Variants in WDTC1 observed in about 807,000 individuals in gnomAD.
The protein encoded by WDTC1 is WD and tetratricopeptide repeats protein 1.
In WDTC1, 12 loss-of-function variants were observed where a neutral mutation model predicts 76.0. The observed-to-expected ratio is 0.16, with a 90% CI of 0.10 to 0.26. WDTC1 has a LOEUF of 0.26. WDTC1 is among the 10% of genes least tolerant of loss of function. The probability of loss-of-function intolerance (pLI) is 1.00; values close to 1 mark genes in which losing one functional copy is unlikely to be tolerated. For synonymous variants in WDTC1, 326 were observed against 350.8 expected (o/e 0.93, Z 0.79); for missense variants, 511 against 908.8 (o/e 0.56, Z 5.63).
At chr1:27,302,791 A>C (rs892663772) in intron 13 of WDTC1, among the ~76,000 whole-genome samples, 4 of 152,172 alleles carry the variant, frequency 2.6e-5, no homozygotes, top group African/African-American at 9.7e-5. Context: ...AGCTCCTGGC[A>C]TATGAACCAG....
intron 1 of WDTC1, among the ~76,000 whole-genome samples, chr1:27,250,068 G>A (rs1026974817): frequency 6.6e-6 from 1 of 152,154 alleles, no homozygotes; most frequent in African/African-American, 2.4e-5. Context: ...CGGGGGAAAT[G>A]TTATAATCCA....
Position 27,303,470 on chromosome 1 carries a change from C to T in WDTC1, c.1469-151C>T, listed in dbSNP as rs2013879373. On this transcript the variant is annotated intron_variant, in intron 13 of 15. Transcript: ENST00000319394. This position sits in a 1 kb window ranked among gnomAD's most constrained non-coding sequence, Gnocchi z 4.8. ...GCTAGATCCAAAGATGCATCTTCCT[C>T]ACAACCTTTCCCCAGTTTTCCAGGA... 6 of 1,000,666 alleles carry T rather than the reference C, an allele frequency of 6.0e-6. No homozygotes were observed. The highest frequency in any genetic ancestry group is 6.9e-6 in the Non-Finnish European group (5 of 719,590). The allele number at this position is 1,000,666 out of a possible 1,614,324, so 62.0% of individuals were successfully genotyped here. A position where few individuals can be genotyped will look rare whatever the true frequency, so the allele number is the denominator to read the frequency against.
In WDTC1 at chr1:27,250,487, A is replaced by T. The variant is rs368320397; in HGVS notation, c.-99-10469A>T. On this transcript the variant is annotated intron_variant, in intron 1 of 15. Coordinates refer to ENST00000319394, the MANE Select transcript of WDTC1 (RefSeq NM_001276252.2). ...TTCATATATATTTTATCATGTATTCACAACAACCCATTAAAGTAGGTGTTA... is the reference window on the plus strand; with the variant it reads ...TTCATATATATTTTATCATGTATTCTCAACAACCCATTAAAGTAGGTGTTA... Among the ~76,000 whole-genome samples, 49 of 152,264 alleles carry T rather than the reference A, an allele frequency of 3.2e-4. 1 individual carries two copies. In the South Asian group the frequency reaches 9.7e-3, roughly 30 times the overall value.
At chr1:27,276,240 C>T (rs572915239) in intron 3 of WDTC1, among the ~76,000 whole-genome samples, 10 of 152,106 alleles carry the variant, frequency 6.6e-5, no homozygotes, top group South Asian at 6.2e-4. Flanking sequence ...TGGTATATAC[C>T]GAAGGGTGGA....
Position 27,305,245 on chromosome 1 carries a change from C to G in WDTC1, c.1836+52C>G, listed in dbSNP as rs1446624274. On this transcript the variant is annotated intron_variant, in intron 15 of 15. Coordinates refer to ENST00000319394, the MANE Select transcript of WDTC1 (RefSeq NM_001276252.2). The surrounding 1 kb of genome is among the most constrained non-coding windows in gnomAD (Gnocchi z 4.6). The stretch of plus-strand genomic sequence containing the variant: ...GAGGGCAGGGACTCTGTGGAAGGCT[C>G]CAGTGGAGCCTGCTAGCGCAGGGAA... 6.3e-7 allele frequency: 1 copy of G among 1,575,740 alleles called. No homozygotes were observed. Among genetic ancestry groups the G allele is most frequent in the Non-Finnish European group, 8.6e-7 (1 of 1,161,818 alleles).
chr1:27,288,001 A>G (rs2147970009), intron 6 of WDTC1, 140 bp downstream of exon 6: 1 of 1,078,408 alleles, frequency 9.3e-7, no homozygotes, highest in East Asian at 2.6e-5. Flanking sequence ...TCTGTGTACA[A>G]ACTCCACTGG....
intron 6 of WDTC1, among the ~76,000 whole-genome samples, chr1:27,291,508 TC>T (rs999447086): frequency 2.0e-5 from 3 of 151,954 alleles, no homozygotes; most frequent in Non-Finnish European, 2.9e-5. Context: ...ATAGGTGATG[TC>T]CCCCCTACCC....
intron 1 of WDTC1, among the ~76,000 whole-genome samples, chr1:27,256,861 A>T (rs781507670): frequency 6.6e-6 from 1 of 152,002 alleles, no homozygotes; most frequent in African/African-American, 2.4e-5. Context: ...TTGACAACAT[A>T]TATTTCTTTC....
chr1:27,278,492 G>C (rs2013095109), intron 3 of WDTC1, among the ~76,000 whole-genome samples: 1 of 152,186 alleles, frequency 6.6e-6, no homozygotes. Context: ...TAATATAGCA[G>C]TGAATAAGAC....
intron 3 of WDTC1, among the ~76,000 whole-genome samples, chr1:27,278,388 G>A (rs2013091025): frequency 6.6e-6 from 1 of 152,064 alleles, no homozygotes; most frequent in African/African-American, 2.4e-5. Flanking sequence ...AGTACCAGAG[G>A]GCAGAACTAG....
In WDTC1 at chr1:27,303,431, G is replaced by A. The variant is rs2013878385; in HGVS notation, c.1469-190G>A. Among the ~76,000 whole-genome samples the A allele has an allele frequency of 1.3e-5, 2 of 152,134 alleles. No homozygotes were observed. The highest frequency in any genetic ancestry group is 4.1e-4 in the South Asian group (2 of 4,832). ...CTCCTGGCATCAAAGGTCTCCTCTT[G>A]AACATCCTCAGGGGCTAGATCCAAA... On this transcript the variant is annotated intron_variant, in intron 13 of 15. Coordinates refer to ENST00000319394, the MANE Select transcript of WDTC1 (RefSeq NM_001276252.2). The surrounding 1 kb of genome is among the most constrained non-coding windows in gnomAD (Gnocchi z 4.8).
intron 1 of WDTC1, among the ~76,000 whole-genome samples, chr1:27,242,739 G>T (rs2011669013): frequency 6.6e-6 from 1 of 152,026 alleles, no homozygotes; most frequent in African/African-American, 2.4e-5. Context: ...AAAGTGCTGG[G>T]ATTACAGGCG....
At chr1:27,298,249 TC>T in intron 12 of WDTC1, 138 bp downstream of exon 12, 1 of 1,072,468 alleles carries the variant, frequency 9.3e-7, no homozygotes, top group Non-Finnish European at 1.3e-6. Flanking sequence ...TCTTAGGGCT[TC>T]TTGGCCTCTC....
intron 1 of WDTC1, among the ~76,000 whole-genome samples, chr1:27,249,355 TTTCTA>T (rs1462656074): frequency 6.6e-6 from 1 of 152,050 alleles, no homozygotes; most frequent in Non-Finnish European, 1.5e-5. Flanking sequence ...CTACTTCCTA[TTTCTA>T]TTCTATTTTG....
chr1:27,254,902 C>T (rs1422896834), intron 1 of WDTC1, among the ~76,000 whole-genome samples: 1 of 151,980 alleles, frequency 6.6e-6, no homozygotes, highest in Admixed American at 6.6e-5. Context: ...GCTGGGATTA[C>T]AGGCGTAAGC....
intron 3 of WDTC1, among the ~76,000 whole-genome samples, chr1:27,268,858 G>A (rs2147942007): frequency 6.6e-6 from 1 of 151,544 alleles, no homozygotes; most frequent in South Asian, 2.1e-4. Context: ...GGGACTACAG[G>A]TGCACGCCAC....
intron 1 of WDTC1, 47 bp downstream of exon 1, chr1:27,234,998 G>A: frequency 7.9e-6 from 3 of 380,082 alleles, no homozygotes; most frequent in Non-Finnish European, 4.7e-6. Context: ...CCGAGGCGGG[G>A]ACCGGCTCCC....
intron 6 of WDTC1, 82 bp downstream of exon 6, chr1:27,287,943 T>G: frequency 1.1e-5 from 16 of 1,492,134 alleles, no homozygotes; most frequent in South Asian, 1.3e-5. Flanking sequence ...GACCTAGCTC[T>G]TTCCCTCCAG....
chr1:27,277,514 C>T (rs1375122561), intron 3 of WDTC1, among the ~76,000 whole-genome samples: 1 of 151,830 alleles, frequency 6.6e-6, no homozygotes, highest in Admixed American at 6.6e-5. Flanking sequence ...ACAGGCTGGT[C>T]TCAAACTCTT....
Sources: allele counts gnomAD v4.1 joint callset (sites outside exome capture counted in the v4.1 genomes callset), GRCh38; gene constraint gnomAD v4.1.1; non-coding constraint Gnocchi (gnomAD v3.1); transcripts MANE v1.5; gene names NCBI Gene and HGNC (gene_info 2026-07-23, HGNC 2026-07-21).